Variants in ABLIM2 observed in about 807,000 individuals in gnomAD.
The protein encoded by ABLIM2 is actin-binding LIM protein 2.
A neutral mutation model predicts 97.7 loss-of-function variants in ABLIM2; 53 were observed. The observed-to-expected ratio is 0.54, with a 90% CI of 0.44 to 0.68. ABLIM2 has a LOEUF of 0.68. Among genes scored for constraint, ABLIM2 ranks in the 30% least tolerant of loss-of-function variants. The probability of loss-of-function intolerance (pLI) is 0.00; values close to 1 mark genes in which losing one functional copy is unlikely to be tolerated. For missense variants in ABLIM2, 835 were observed against 867.2 expected (o/e 0.96, Z 0.47); for synonymous variants, 361 against 345.8 (o/e 1.04, Z -0.49).
intron 1 of ABLIM2, among the ~76,000 whole-genome samples, chr4:8,139,575 G>T (rs931441755): frequency 6.6e-6 from 1 of 152,194 alleles, no homozygotes; most frequent in Non-Finnish European, 1.5e-5. Flanking sequence ...CAGTCAGAAT[G>T]GCGATTATTA....
chr4:7,992,764 C>G lies in ABLIM2; in HGVS notation c.1680+102G>C. On this transcript the variant is annotated intron_variant, in intron 17 of 20. Coordinates refer to ENST00000447017, the MANE Select transcript of ABLIM2 (RefSeq NM_001130083.2). The surrounding 1 kb of genome is among the most constrained non-coding windows in gnomAD (Gnocchi z 5.7). Reference sequence around the variant, plus strand: ...AGAGGCAGGTGGGCCGCGGGGTCCCCGGGGCCTCTCCTCCTGCTGTGTGGT... The same window carrying G: ...AGAGGCAGGTGGGCCGCGGGGTCCCGGGGGCCTCTCCTCCTGCTGTGTGGT... The G allele has an allele frequency of 2.2e-6, 3 of 1,353,986 alleles. No homozygotes were observed. The highest frequency in any genetic ancestry group is 3.1e-6 in the Non-Finnish European group (3 of 970,074). The allele number at this position is 1,353,986 out of a possible 1,614,324, so 83.9% of individuals were successfully genotyped here.
intron 1 of ABLIM2, among the ~76,000 whole-genome samples, chr4:8,117,933 G>A (rs1193129396): frequency 6.6e-6 from 1 of 152,244 alleles, no homozygotes; most frequent in African/African-American, 2.4e-5. Flanking sequence ...ACAGTTCAAG[G>A]GAATCAAGCC....
chr4:8,117,105 G>C (rs1213491564), intron 1 of ABLIM2, among the ~76,000 whole-genome samples: 1 of 152,176 alleles, frequency 6.6e-6, no homozygotes, highest in East Asian at 1.9e-4. Flanking sequence ...TTGCCGTTTT[G>C]ATCCAAGAAG....
At chr4:8,037,032 C>G (rs1057179775) in intron 9 of ABLIM2, among the ~76,000 whole-genome samples, 1 of 152,168 alleles carries the variant, frequency 6.6e-6, no homozygotes. Flanking sequence ...AAAACCATCT[C>G]TTGGTGATTT....
chr4:7,971,892 C>T (rs1037793531), intron 20 of ABLIM2, among the ~76,000 whole-genome samples: 1 of 152,134 alleles, frequency 6.6e-6, no homozygotes, highest in Non-Finnish European at 1.5e-5. Context: ...GGCCTCAGGT[C>T]CTAGCCCTGC....
intron 3 of ABLIM2, among the ~76,000 whole-genome samples, 155 bp from the exon 4 acceptor site, chr4:8,088,439 G>T (rs1440330867): frequency 6.6e-6 from 1 of 152,118 alleles, no homozygotes; most frequent in Non-Finnish European, 1.5e-5. Context: ...CTCCACCCAG[G>T]CACTGCTGCG....
intron 2 of ABLIM2, among the ~76,000 whole-genome samples, chr4:8,105,665 C>T (rs1242928731): frequency 6.6e-6 from 1 of 152,242 alleles, no homozygotes. Flanking sequence ...ATACCGAACC[C>T]GCAGAAGGCA....
At chr4:8,010,229 G>A (rs1315126133) in intron 14 of ABLIM2, among the ~76,000 whole-genome samples, 2 of 152,178 alleles carry the variant, frequency 1.3e-5, no homozygotes, top group African/African-American at 4.8e-5. Flanking sequence ...CATTTCCAGC[G>A]AAGAATGAGC....
rs1726709992 is a variant in ABLIM2 at position 7,970,241 on chromosome 4, G to T, written c.1825-3138C>A. Among the ~76,000 whole-genome samples, 1 of 152,130 alleles carries T rather than the reference G, an allele frequency of 6.6e-6. No individual in the cohort carries two copies. Among genetic ancestry groups the T allele is most frequent in the East Asian group, 1.9e-4 (1 of 5,168 alleles). On this transcript the variant is annotated intron_variant, in intron 20 of 20. Transcript: ENST00000447017. This position sits in a 1 kb window ranked among gnomAD's most constrained non-coding sequence, Gnocchi z 5.3. ...AGGAGGGGAGGCTGACACCGGAAGG[G>T]CGAGGAGAGTTCAGTGCTGGTGCCT...
chr4:8,152,668 G>C (rs574695417), intron 1 of ABLIM2, among the ~76,000 whole-genome samples: 1 of 152,224 alleles, frequency 6.6e-6, no homozygotes, highest in Non-Finnish European at 1.5e-5. Flanking sequence ...GGACAGCCGC[G>C]TCCATCATGC....
intron 2 of ABLIM2, among the ~76,000 whole-genome samples, chr4:8,100,114 C>T (rs1463267653): frequency 6.6e-6 from 1 of 152,170 alleles, no homozygotes; most frequent in Non-Finnish European, 1.5e-5. Context: ...GATGAATCAA[C>T]ATCACTTTCT....
At chr4:8,134,391 GC>G (rs966697973) in intron 1 of ABLIM2, among the ~76,000 whole-genome samples, 17 of 152,190 alleles carry the variant, frequency 1.1e-4, no homozygotes, top group African/African-American at 4.1e-4. Flanking sequence ...ACTCGCCCAG[GC>G]CGGAAACTGG....
rs114588111 is a variant in ABLIM2, at chr4:8,042,010, A to T, written c.900+3154T>A. ...ACAGCAACAGCAACAGCTACCACGA[A>T]TGAGCGCTTAGCAGGCACCAAGCCG... On this transcript the variant is annotated intron_variant, in intron 9 of 20. Coordinates refer to ENST00000447017, the MANE Select transcript of ABLIM2 (RefSeq NM_001130083.2). 1.9e-3 allele frequency among the ~76,000 whole-genome samples: 288 copies of T among 152,356 alleles called. 3 individuals are homozygous for T. The highest frequency in any genetic ancestry group is 6.8e-3 in the African/African-American group (283 of 41,584).
At chr4:8,118,602 G>C (rs1234738791) in intron 1 of ABLIM2, among the ~76,000 whole-genome samples, 2 of 152,112 alleles carry the variant, frequency 1.3e-5, no homozygotes, top group Admixed American at 6.5e-5. Flanking sequence ...ACAGAACACA[G>C]CCCAGCCCCT....
At chr4:7,968,747 G>C (rs1255413251) in intron 20 of ABLIM2, among the ~76,000 whole-genome samples, 2 of 152,148 alleles carry the variant, frequency 1.3e-5, no homozygotes, top group African/African-American at 4.8e-5. Context: ...ATGTTCCGGA[G>C]CTGGAATGTT....
chr4:8,117,507 G>GCAGACTCCACCCA (rs1843308447), intron 1 of ABLIM2, among the ~76,000 whole-genome samples: 4 of 150,684 alleles, frequency 2.7e-5, no homozygotes, highest in Admixed American at 6.6e-5. Context: ...GACTCCACCC[G>GCAGACTCCACCCA]CTGCAGACTC....
intron 2 of ABLIM2, 53 bp from the exon 3 acceptor site, chr4:8,097,335 T>C: frequency 6.5e-7 from 1 of 1,541,714 alleles, no homozygotes. Context: ...CATCTCCACG[T>C]CCCCCAGGCC....
In ABLIM2 at chr4:8,123,444, G is replaced by A. The variant is rs971116751; in HGVS notation, c.11-16807C>T. Among the ~76,000 whole-genome samples the A allele has an allele frequency of 4.6e-5, 7 of 152,174 alleles. No individual in the cohort carries two copies. Among genetic ancestry groups the A allele is most frequent in the South Asian group, 2.1e-4 (1 of 4,826 alleles). On this transcript the variant is annotated intron_variant, in intron 1 of 20. Transcript: ENST00000447017. The surrounding 1 kb of genome is among the most constrained non-coding windows in gnomAD (Gnocchi z 6.2). ...TGGTTTTCTGCCTGTCTGCCCTCCC[G>A]TCTCCCCCTCAAATTCCTGACCCTT...
At chr4:8,079,780 G>A (rs931027153) in intron 5 of ABLIM2, among the ~76,000 whole-genome samples, 1 of 152,080 alleles carries the variant, frequency 6.6e-6, no homozygotes, top group Non-Finnish European at 1.5e-5. Context: ...GTGTGTGCGC[G>A]CGCCTCACTC....
Sources: allele counts gnomAD v4.1 joint callset (sites outside exome capture counted in the v4.1 genomes callset), GRCh38; gene constraint gnomAD v4.1.1; non-coding constraint Gnocchi (gnomAD v3.1); transcripts MANE v1.5; gene names NCBI Gene and HGNC (gene_info 2026-07-23, HGNC 2026-07-21).